The following MREG variants were observed in gnomAD, a reference collection of about 807,000 sequenced individuals.
MREG encodes melanoregulin.
A neutral mutation model predicts 28.5 loss-of-function variants in MREG; 31 were observed. The observed-to-expected ratio is 1.09, with a 90% confidence interval of 0.82 to 1.47. The LOEUF (loss-of-function observed/expected upper bound fraction) is 1.47. Among genes scored for constraint, MREG ranks in the 40% most tolerant of loss-of-function variants. MREG has a pLI of 0.00. For synonymous variants in MREG, 106 were observed against 95.2 expected (o/e 1.11, Z -0.66); for missense variants, 256 against 257.4 (o/e 0.99, Z 0.04).
At chr2:215,957,249 G>C (rs1315195727) in intron 2 of MREG, among the ~76,000 whole-genome samples, 3 of 152,216 alleles carry the variant, frequency 2.0e-5, no homozygotes, top group Non-Finnish European at 4.4e-5. Flanking sequence ...AACTTTTCTA[G>C]AAGCAGAGGA....
intron 2 of MREG, among the ~76,000 whole-genome samples, chr2:215,963,439 AAAAAAAAAAAAAAAAAC>A (rs200688340): frequency 0.6 from 78,284 of 130,042 alleles, 21,298 homozygotes; most frequent in Admixed American, 0.66. Context: ...CCATCTCAAA[AAAAAAAAAAAAAAAAAC>A]AAAAAAACAG....
At position 216,030,725 on chromosome 2, in the gene MREG, C is replaced by CTTTT. The variant is rs549744417; in HGVS notation, c.-68+2063_-68+2064insAAAA. 5.3e-4 allele frequency among the ~76,000 whole-genome samples: 77 copies of CTTTT among 145,022 alleles called. 1 individual carries two copies. Among genetic ancestry groups the CTTTT allele is most frequent in the Admixed American group, 5.1e-3 (75 of 14,590 alleles). ...AACTGGCTAATTTTTGTATTTCTTTCTTTCTTTTTTTTTTTTTAGTAGAGA... is the reference window on the plus strand; with the variant it reads ...AACTGGCTAATTTTTGTATTTCTTTCTTTTTTTCTTTTTTTTTTTTTAGTAGAGA... On this transcript the variant is annotated intron_variant, in intron 1 of 3. Transcript: ENST00000420348.
chr2:216,033,359 C>T (rs998881075), upstream of MREG, among the ~76,000 whole-genome samples: 14 of 152,008 alleles, frequency 9.2e-5, no homozygotes, highest in Admixed American at 5.2e-4. Context: ...ATACAAATTC[C>T]TCCGCTGTCT....
intron 1 of MREG, among the ~76,000 whole-genome samples, chr2:215,998,313 A>T (rs1483100953): frequency 4.1e-5 from 6 of 146,992 alleles, no homozygotes; most frequent in Admixed American, 6.7e-5. Context: ...CTCACAAAAA[A>T]AAAAAAAAAT....
At chr2:215,954,476 A>ACACACACACT (rs1559175347) in intron 2 of MREG, among the ~76,000 whole-genome samples, 1 of 151,768 alleles carries the variant, frequency 6.6e-6, no homozygotes, top group East Asian at 1.9e-4. Flanking sequence ...ACACACACAC[A>ACACACACACT]CACACACAAA....
chr2:215,953,218 C>T (rs1275437198), intron 2 of MREG, among the ~76,000 whole-genome samples: 1 of 152,244 alleles, frequency 6.6e-6, no homozygotes, highest in Non-Finnish European at 1.5e-5. Flanking sequence ...CTTCTCCCAT[C>T]AATCTATTAA....
At chr2:216,007,827 C>T (rs1010942066) in intron 1 of MREG, among the ~76,000 whole-genome samples, 1 of 151,624 alleles carries the variant, frequency 6.6e-6, no homozygotes, top group Admixed American at 6.6e-5. Flanking sequence ...TGCTAACATA[C>T]ATGTTGGATA....
chr2:215,970,194 G>A (rs1047709153), intron 2 of MREG, among the ~76,000 whole-genome samples: 56 of 152,168 alleles, frequency 3.7e-4, no homozygotes, highest in African/African-American at 1.3e-3. Flanking sequence ...CAATAAGAAG[G>A]GGAAATTTAG....
At position 215,951,939 on chromosome 2, in the gene MREG, T is replaced by C. The variant is rs375567136; in HGVS notation, c.256-4826A>G. Among the ~76,000 whole-genome samples, 20 of 152,272 alleles carry C rather than the reference T, an allele frequency of 1.3e-4. No homozygotes were observed. The East Asian group carries it at 3.5e-3, about 26-fold the overall frequency. On this transcript the variant is annotated intron_variant, in intron 2 of 4. Transcript: ENST00000263268. ...ATTTCCCCATTTCCCCCACCCTCTA[T>C]CCCCTGGCAACGACTGTTCTACTCT...
At position 215,943,707 on chromosome 2, in the gene MREG, G is replaced by T. The variant is rs182262948; in HGVS notation, c.*1156C>A. 6.7e-4 allele frequency: 229 copies of T among 339,840 alleles called. 1 individual carries two copies. The highest frequency in any genetic ancestry group is 4.7e-3 in the African/African-American group (216 of 46,406). 21.1% of individuals were successfully genotyped at this position (339,840 alleles called of 1,614,324 possible). A position where few individuals can be genotyped will look rare whatever the true frequency, so the allele number is the denominator to read the frequency against. On this transcript the variant is annotated 3_prime_UTR_variant, in exon 5 of 5. Coordinates refer to ENST00000263268, the MANE Select transcript of MREG (RefSeq NM_018000.3). ...ATACAAAAAATTAGCCAGGTGTGGT[G>T]GCACGCGCCTGTAGTTCCAGCTACT... is the stretch of plus-strand genomic sequence containing the variant.
upstream of MREG, among the ~76,000 whole-genome samples, chr2:216,016,854 A>G (rs1489058264): frequency 6.6e-6 from 1 of 152,240 alleles, no homozygotes; most frequent in Non-Finnish European, 1.5e-5. Flanking sequence ...AACTTGATCA[A>G]GAGGTTAATG....
downstream of MREG, among the ~76,000 whole-genome samples, chr2:215,941,259 A>G (rs1391202204): frequency 6.6e-6 from 1 of 152,166 alleles, no homozygotes; most frequent in Non-Finnish European, 1.5e-5. Flanking sequence ...GAAAGTAAGG[A>G]GATGACAGGG....
At chr2:215,986,385 T>G (rs1001728218) in intron 2 of MREG, among the ~76,000 whole-genome samples, 2 of 152,196 alleles carry the variant, frequency 1.3e-5, no homozygotes, top group African/African-American at 4.8e-5. Flanking sequence ...GCTGCTCCCA[T>G]TAAAAGCAGT....
rs775230336 is a variant in MREG at position 216,001,050 on chromosome 2, TCTCA to T, written c.96-4589_96-4586del. ...TCTCTCTTTCCTGTCTCTTGCTCTC[TCTCA>T]CTATCACTTCTTTTCCTCTTTATTT... On this transcript the variant is annotated intron_variant, in intron 1 of 4. Transcript: ENST00000263268. 3.2e-4 allele frequency among the ~76,000 whole-genome samples: 49 copies of T among 152,114 alleles called. 1 individual carries two copies. The highest frequency in any genetic ancestry group is 1.9e-4 in the Non-Finnish European group (13 of 68,008).
chr2:216,026,145 A>G (rs900042997), intron 1 of MREG, among the ~76,000 whole-genome samples: 2 of 152,236 alleles, frequency 1.3e-5, no homozygotes, highest in Non-Finnish European at 2.9e-5. Flanking sequence ...TATACATTAA[A>G]TATCCATAGA....
At position 215,975,026 on chromosome 2, in the gene MREG, A is replaced by ATATATATATATATATATATG. The variant is rs1268461887; in HGVS notation, c.255+21279_255+21280insCATATATATATATATATATA. ...ATATGAATTATATATATATATATAT[A>ATATATATATATATATATATG]TGAAATAATACCTCTGAATTGTATT... On this transcript the variant is annotated intron_variant, in intron 2 of 4. Transcript: ENST00000263268. 1.2e-4 allele frequency among the ~76,000 whole-genome samples: 17 copies of ATATATATATATATATATATG among 145,702 alleles called. 1 individual carries two copies. The highest frequency in any genetic ancestry group is 4.0e-4 in the African/African-American group (16 of 39,974).
chr2:215,961,968 T>C (rs1251487639), intron 2 of MREG, among the ~76,000 whole-genome samples: 1 of 152,204 alleles, frequency 6.6e-6, no homozygotes, highest in African/African-American at 2.4e-5. Context: ...TTGGAGTTAC[T>C]GCTTAGAGCA....
At chr2:216,013,169 C>A in intron 1 of MREG, 64 bp downstream of exon 1, 1 of 1,439,888 alleles carries the variant, frequency 6.9e-7, no homozygotes, top group Non-Finnish European at 9.5e-7. Flanking sequence ...CACAGGTGTC[C>A]ACACTCTCGG....
Position 215,943,565 on chromosome 2 carries a change from G to A in MREG, c.*1298C>T. On this transcript the variant is annotated 3_prime_UTR_variant, in exon 5 of 5. Transcript: ENST00000263268. ...AGATAAAATGCCAAGGGCTTGGCCG[G>A]GCGCGGTGACTCACGCCTGTAATCC... 2.2e-6 allele frequency: 1 copy of A among 451,638 alleles called. No individual in the cohort carries two copies. The highest frequency in any genetic ancestry group is 1.6e-5 in the South Asian group (1 of 63,774). The allele number at this position is 451,638 out of a possible 1,614,324, so 28.0% of individuals were successfully genotyped here.
Sources: allele counts gnomAD v4.1 joint callset (sites outside exome capture counted in the v4.1 genomes callset), GRCh38; gene constraint gnomAD v4.1.1; transcripts MANE v1.5; gene names NCBI Gene and HGNC (gene_info 2026-07-23, HGNC 2026-07-21).